AP3M1: variants seen among roughly 807,000 people sequenced by gnomAD.
AP3M1 encodes the protein adaptor related protein complex 3 subunit mu 1.
In AP3M1, 29 loss-of-function variants were observed where a neutral mutation model predicts 42.6. The ratio of observed to expected loss-of-function variants is 0.68; its 90% CI spans 0.51 to 0.93. The LOEUF (loss-of-function observed/expected upper bound fraction) is 0.93. Ranked by LOEUF, AP3M1 falls within the 40% of genes least tolerant of loss-of-function variation. The probability of loss-of-function intolerance (pLI) is 0.00; values close to 1 mark genes in which losing one functional copy is unlikely to be tolerated. For missense variants in AP3M1, 416 were observed against 510.2 expected, an observed-to-expected ratio of 0.82 and a Z score of 1.78; for synonymous variants, 178 against 175.3, an observed-to-expected ratio of 1.02 and a Z score of -0.12.
intron 4 of AP3M1, among the ~76,000 whole-genome samples, chr10:74,130,778 C>T (rs555634265): frequency 5.0e-4 from 76 of 152,130 alleles, no homozygotes; most frequent in African/African-American, 1.8e-3. Flanking sequence ...TAAACTGTTT[C>T]CTTTATGGAG....
intron 1 of AP3M1, among the ~76,000 whole-genome samples, chr10:74,147,902 G>C (rs1366616485): frequency 2.0e-5 from 3 of 152,176 alleles, no homozygotes; most frequent in African/African-American, 7.2e-5. Flanking sequence ...GGGAGGCTGA[G>C]GCGGAAGAAT....
At chr10:74,130,851 C>A (rs182336315) in intron 4 of AP3M1, among the ~76,000 whole-genome samples, 74 of 152,258 alleles carry the variant, frequency 4.9e-4, no homozygotes, top group East Asian at 5.8e-4. Flanking sequence ...TGGCTCATGC[C>A]TGTAATCCTA....
At chr10:74,128,774 C>A in intron 6 of AP3M1, 1 of 196,832 alleles carries the variant, frequency 5.1e-6, no homozygotes, top group South Asian at 1.0e-4. Flanking sequence ...ATGGACCATG[C>A]ATAACCTGAG....
In AP3M1 at chr10:74,134,119, T is replaced by C. The variant is rs1346247765; in HGVS notation, c.491A>G (p.Asn164Ser). Reference protein sequence around the residue: ...GDTLPTGQLSNIPWRRAGVKY... With the variant: ...GDTLPTGQLSSIPWRRAGVKY... ...TACCCCTGCCCGACGCCATGGTATG[T>C]TGGACAGCTGCCCGGTGGGGAGTGT... Residue 164 changes from asparagine (N) to serine (S), a missense_variant, in exon 4 of 9, where the codon AAC becomes AGC. By Grantham distance (46) the Asn-to-Ser change is conservative. Coordinates refer to ENST00000355264, the MANE Select transcript of AP3M1 (RefSeq NM_012095.6). 3.1e-6 allele frequency: 5 copies of C among 1,614,242 alleles called. No individual in the cohort carries two copies. The highest frequency in any genetic ancestry group is 1.7e-5 in the Admixed American group (1 of 60,026).
intron 1 of AP3M1, among the ~76,000 whole-genome samples, chr10:74,144,862 C>A (rs990040994): frequency 9.9e-5 from 15 of 151,926 alleles, no homozygotes; most frequent in Non-Finnish European, 1.9e-4. Context: ...TGGGGTTTCA[C>A]CATGTTGGCC....
At position 74,123,749 on chromosome 10, in the gene AP3M1, T is replaced by C. The variant is rs1177180807; in HGVS notation, c.*61A>G. 6.3e-6 allele frequency: 8 copies of C among 1,269,082 alleles called. No homozygotes were observed. The highest frequency in any genetic ancestry group is 1.2e-5 in the South Asian group (1 of 83,970). 78.6% of individuals were successfully genotyped at this position (1,269,082 alleles called of 1,614,324 possible). ...GTATTCCCACTCACTTGGTACCTAA[T>C]AGTGATACATCGTAATGACACTTGG... On this transcript the variant is annotated 3_prime_UTR_variant, in exon 9 of 9. Transcript: ENST00000355264.
In AP3M1 at chr10:74,136,665, T is replaced by G; in HGVS notation, c.412A>C (p.Thr138Pro). The change falls in exon 3 of 9, where the codon ACA becomes CCA. Residue 138 changes from threonine to proline, a missense_variant. By Grantham distance (38) the Thr-to-Pro change is conservative. Transcript: ENST00000355264. The part of the protein sequence containing the change: ...NILKELIKPP[T>P]ILRSVVNSIT... Reference sequence around the variant, plus strand: ...GAGTTGACAACAGAGCGTAGAATTGTTGGTGGTTTAATCAATTCTTTCAAA... The same window carrying G: ...GAGTTGACAACAGAGCGTAGAATTGGTGGTGGTTTAATCAATTCTTTCAAA... 6.3e-7 allele frequency: 1 copy of G among 1,592,358 alleles called. No homozygotes were observed. Among genetic ancestry groups the G allele is most frequent in the African/African-American group, 1.3e-5 (1 of 74,764 alleles).
At position 74,129,116 on chromosome 10, in the gene AP3M1, G is replaced by A. The variant is rs772505102; in HGVS notation, c.795C>T (p.Ser265=). 1 of 1,614,046 alleles carries A rather than the reference G, an allele frequency of 6.2e-7. No individual in the cohort carries two copies. The highest frequency in any genetic ancestry group is 1.1e-5 in the South Asian group (1 of 91,070). Residue 265 remains serine, a synonymous_variant, in exon 6 of 9, where the codon AGC becomes AGT. Transcript: ENST00000355264. ...CTGATGCATCAACATACTTTTGTGAGCTGACACGGTATGATATGAGTCGGA... is the reference window on the plus strand; with the variant it reads ...CTGATGCATCAACATACTTTTGTGAACTGACACGGTATGATATGAGTCGGA... The part of the protein sequence containing the change: ...GNFRLISYRV[S]SQNLVAIPVY...
At chr10:74,123,950 C>G (rs1840543479) in intron 8 of AP3M1, 40 bp from the exon 9 acceptor site, 1 of 1,538,274 alleles carries the variant, frequency 6.5e-7, no homozygotes. Context: ...TTATCATCAT[C>G]CCAACCAATA....
At chr10:74,145,955 T>G (rs1841312783) in intron 1 of AP3M1, among the ~76,000 whole-genome samples, 1 of 152,210 alleles carries the variant, frequency 6.6e-6, no homozygotes. Context: ...CATCTACTCT[T>G]CTGATTCTCA....
rs925318943 is a variant in AP3M1, at chr10:74,129,322, C to T, written c.670-81G>A. On this transcript the variant is annotated intron_variant, in intron 5 of 8. Coordinates refer to ENST00000355264, the MANE Select transcript of AP3M1 (RefSeq NM_012095.6). ...ACTCAGATACCTTGACAAATATGTT[C>T]CCTGAAGATAAAGCAGTCATGGAAG... The T allele has an allele frequency of 1.3e-4, 185 of 1,452,250 alleles. 2 individuals are homozygous for T. In the Middle Eastern group the frequency reaches 2.0e-3, roughly 15 times the overall value. 90.0% of individuals were successfully genotyped at this position (1,452,250 alleles called of 1,614,324 possible). A position where few individuals can be genotyped will look rare whatever the true frequency, so the allele number is the denominator to read the frequency against.
intron 3 of AP3M1, among the ~76,000 whole-genome samples, chr10:74,135,708 T>C (rs1371335536): frequency 4.6e-5 from 7 of 152,236 alleles, no homozygotes; most frequent in South Asian, 2.1e-4. Context: ...CTGTGAAGTA[T>C]GGAATTGCTT....
chr10:74,128,345 C>T (rs1413990796), intron 6 of AP3M1, among the ~76,000 whole-genome samples: 1 of 151,030 alleles, frequency 6.6e-6, no homozygotes, highest in Non-Finnish European at 1.5e-5. Context: ...TCAAGTGATT[C>T]TCATGCCTCA....
intron 7 of AP3M1, among the ~76,000 whole-genome samples, chr10:74,125,578 A>C (rs1344837112): frequency 6.6e-6 from 1 of 152,210 alleles, no homozygotes; most frequent in Admixed American, 6.5e-5. Context: ...CAGGTAGCTC[A>C]ATGACTCTGC....
At chr10:74,150,241 T>C (rs1841510475) in intron 1 of AP3M1, 1 of 152,262 alleles carries the variant, frequency 6.6e-6, no homozygotes, top group African/African-American at 2.4e-5. Context: ...GGCTGTAAGT[T>C]TCAGGTTCAA....
chr10:74,147,666 C>T (rs946031516), intron 1 of AP3M1, among the ~76,000 whole-genome samples: 1 of 152,138 alleles, frequency 6.6e-6, no homozygotes, highest in Non-Finnish European at 1.5e-5. Context: ...TTTGAGAATG[C>T]ATGATTTAAC....
chr10:74,136,829 C>T, intron 2 of AP3M1, 26 bp from the exon 3 acceptor site: 3 of 1,454,128 alleles, frequency 2.1e-6, no homozygotes, highest in Non-Finnish European at 2.8e-6. Context: ...CAAAATATCA[C>T]ACAATGGAAG....
intron 1 of AP3M1, among the ~76,000 whole-genome samples, chr10:74,143,567 T>C (rs1841224819): frequency 1.3e-5 from 2 of 152,216 alleles, no homozygotes; most frequent in South Asian, 2.1e-4. Context: ...ATTAATACTA[T>C]CTAAAATGTA....
At chr10:74,126,851 G>A (rs1425906369) in intron 6 of AP3M1, among the ~76,000 whole-genome samples, 2 of 151,258 alleles carry the variant, frequency 1.3e-5, no homozygotes, top group African/African-American at 4.9e-5. Flanking sequence ...CATGCCTGTA[G>A]TCCCAGCTAT....
Sources: allele counts gnomAD v4.1 joint callset (sites outside exome capture counted in the v4.1 genomes callset), GRCh38; gene constraint gnomAD v4.1.1; transcripts MANE v1.5; gene names NCBI Gene and HGNC (gene_info 2026-07-23, HGNC 2026-07-21).